CCM2: variants seen among roughly 807,000 people sequenced by gnomAD.
CCM2 encodes the protein cerebral cavernous malformations 2 protein.
A neutral mutation model predicts 44.9 loss-of-function variants in CCM2; 25 were observed. That is an observed-to-expected ratio of 0.56 (90% confidence interval 0.41 to 0.78). The LOEUF is 0.78. CCM2 is among the 30% of genes least tolerant of loss of function. The pLI is 0.00. For synonymous variants in CCM2, 219 were observed against 241.1 expected, an observed-to-expected ratio of 0.91 and a Z score of 0.85; for missense variants, 481 against 580.6, an observed-to-expected ratio of 0.83 and a Z score of 1.76.
chr7:45,058,573 GT>G (rs1256143514), intron 2 of CCM2, among the ~76,000 whole-genome samples: 1 of 148,094 alleles, frequency 6.8e-6, no homozygotes, highest in Admixed American at 6.9e-5. Flanking sequence ...TGCGGTGTTT[GT>G]TTTTTTGTCC....
chr7:45,019,400 G>T (rs1388147533), intron 1 of CCM2, among the ~76,000 whole-genome samples: 5 of 152,090 alleles, frequency 3.3e-5, no homozygotes, highest in Non-Finnish European at 5.9e-5. Flanking sequence ...GATCAGTTTT[G>T]ATCTTTGTCC....
chr7:45,072,211 C>T (rs1799113012), intron 6 of CCM2: 1 of 328,032 alleles, frequency 3.0e-6, no homozygotes, highest in African/African-American at 2.2e-5. Flanking sequence ...GTGCCAGACC[C>T]TTTGCTGGTC....
At chr7:45,057,773 C>T (rs987843309) in intron 2 of CCM2, among the ~76,000 whole-genome samples, 1 of 152,188 alleles carries the variant, frequency 6.6e-6, no homozygotes, top group Non-Finnish European at 1.5e-5. Flanking sequence ...GTCTTACCAG[C>T]ACTATAGAGA....
chr7:45,026,432 T>C (rs6463263), intron 1 of CCM2, among the ~76,000 whole-genome samples: 17,519 of 152,182 alleles, frequency 0.12, 1,710 homozygotes, highest in African/African-American at 0.26. Context: ...TATTAAACTT[T>C]ATTTGTTACA....
chr7:45,068,699 C>T, intron 5 of CCM2, 120 bp downstream of exon 5: 1 of 1,289,328 alleles, frequency 7.8e-7, no homozygotes. Context: ...CAGCTACTTC[C>T]TCTGCCATTG....
At chr7:45,041,001 CAA>C (rs1000051254) in intron 2 of CCM2, among the ~76,000 whole-genome samples, 119 of 152,138 alleles carry the variant, frequency 7.8e-4, no homozygotes, top group African/African-American at 2.8e-3. Flanking sequence ...AAAAACAAAA[CAA>C]AACACAAGGG....
chr7:45,028,928 A>C (rs1796823721), intron 1 of CCM2, among the ~76,000 whole-genome samples: 1 of 152,252 alleles, frequency 6.6e-6, no homozygotes, highest in East Asian at 1.9e-4. Flanking sequence ...GATTTGTCGT[A>C]GTGCCTCGGA....
rs781581333 is a variant in CCM2 at position 45,076,260 on chromosome 7, G to T, written c.*203G>T. 5.2e-6 allele frequency: 4 copies of T among 766,522 alleles called. No homozygotes were observed. In the East Asian group the frequency reaches 8.2e-5, roughly 16 times the overall value. 47.5% of individuals were successfully genotyped at this position (766,522 alleles called of 1,614,324 possible). On this transcript the variant is annotated 3_prime_UTR_variant, in exon 10 of 10. Transcript: ENST00000258781. ...CACGAGCCTCAGTGCGGGGTGGAAG[G>T]CTCTTTGCCTTGTCCACCAGGGCTC...
chr7:45,050,209 A>G (rs1182036564), intron 2 of CCM2, among the ~76,000 whole-genome samples: 1 of 152,240 alleles, frequency 6.6e-6, no homozygotes, highest in Non-Finnish European at 1.5e-5. Flanking sequence ...AACATGCTGT[A>G]CAGGTTGTAG....
chr7:45,027,563 A>G (rs541268826), intron 1 of CCM2: 3 of 1,527,170 alleles, frequency 2.0e-6, no homozygotes, highest in East Asian at 4.7e-5. Context: ...CTGCTTTTTA[A>G]ACTTTTAAAA....
intron 9 of CCM2, 144 bp downstream of exon 9, chr7:45,074,552 G>T: frequency 1.3e-6 from 1 of 745,352 alleles, no homozygotes. Context: ...GATGGCATGA[G>T]AGCAGAGTCC....
chr7:45,026,243 T>C (rs1796685120), intron 1 of CCM2, among the ~76,000 whole-genome samples: 1 of 152,184 alleles, frequency 6.6e-6, no homozygotes, highest in Non-Finnish European at 1.5e-5. Flanking sequence ...AAATTGTGAC[T>C]CTACTCTGGT....
intron 1 of CCM2, among the ~76,000 whole-genome samples, chr7:45,023,807 T>G (rs56360590): frequency 0.086 from 3,108 of 35,942 alleles, 50 homozygotes; most frequent in East Asian, 0.26. Flanking sequence ...TTTTTTTTTT[T>G]TTTTTTTTTT....
rs1282361678 is a variant in CCM2 at position 45,074,425 on chromosome 7, A to T, written c.1054+17A>T. 6.2e-7 allele frequency: 1 copy of T among 1,608,654 alleles called. No individual in the cohort carries two copies. The highest frequency in any genetic ancestry group is 8.5e-7 in the Non-Finnish European group (1 of 1,176,766). Reference sequence around the variant, plus strand: ...TGCTGCTTGGTGAGTGGGCCCTGGAAAGAGGGTGGCTTGTCCAAACCTGGC... The same window carrying T: ...TGCTGCTTGGTGAGTGGGCCCTGGATAGAGGGTGGCTTGTCCAAACCTGGC... On this transcript the variant is annotated intron_variant, in intron 9 of 9. Transcript: ENST00000258781.
At chr7:45,068,178 C>G (rs559488563) in intron 4 of CCM2, 14 of 536,858 alleles carry the variant, frequency 2.6e-5, no homozygotes, top group African/African-American at 2.1e-4. Flanking sequence ...TATATGTGGT[C>G]TGTTGTATAT....
At position 45,072,301 on chromosome 7, in the gene CCM2, G is replaced by A. The variant is rs543108272; in HGVS notation, c.746-425G>A. 5.6e-4 allele frequency: 193 copies of A among 344,074 alleles called. 1 individual carries two copies. Among genetic ancestry groups the A allele is most frequent in the African/African-American group, 3.8e-3 (177 of 46,920 alleles). The allele number at this position is 344,074 out of a possible 1,614,324, so 21.3% of individuals were successfully genotyped here. On this transcript the variant is annotated intron_variant, in intron 6 of 9. Coordinates refer to ENST00000258781, the MANE Select transcript of CCM2 (RefSeq NM_031443.4). ...CCCGGCTCTGACTGTGGTTTCTGCT[G>A]TGTGACCTGGGCCAAGTTGTGTAAC...
intron 7 of CCM2, 165 bp downstream of exon 7, chr7:45,072,948 C>T (rs769144033): frequency 2.0e-5 from 14 of 699,678 alleles, no homozygotes; most frequent in East Asian, 2.7e-5. Context: ...CCTGGCTCGC[C>T]GCCCTCTCCT....
intron 1 of CCM2, among the ~76,000 whole-genome samples, chr7:45,004,312 G>A (rs1317760170): frequency 6.6e-6 from 1 of 152,198 alleles, no homozygotes; most frequent in Non-Finnish European, 1.5e-5. Context: ...GATATTTGTA[G>A]GTGAAATAAT....
chr7:45,033,301 A>G (rs768451964), intron 1 of CCM2, among the ~76,000 whole-genome samples: 1 of 152,170 alleles, frequency 6.6e-6, no homozygotes, highest in Non-Finnish European at 1.5e-5. Context: ...TGTGGAGACT[A>G]TAATTTTATG....
Sources: gnomAD v4.1 joint callset for allele counts (sites outside exome capture counted in the v4.1 genomes callset) on GRCh38, gnomAD v4.1.1 for gene constraint, MANE v1.5 for transcripts, NCBI Gene and HGNC (gene_info 2026-07-23, HGNC 2026-07-21) for gene names.